MGST1: variants seen among roughly 807,000 people sequenced by gnomAD.
The protein encoded by MGST1 is glutathione S-transferase 12.
A neutral mutation model predicts 8.9 loss-of-function variants in MGST1; 5 were observed. The ratio of observed to expected loss-of-function variants is 0.56; its 90% CI spans 0.29 to 1.19. MGST1 has a LOEUF of 1.19. Ranked by LOEUF, MGST1 falls within the 50% of genes most tolerant of loss-of-function variation. MGST1 has a pLI of 0.08. For synonymous variants in MGST1, 54 were observed against 67.8 expected (o/e 0.80, Z 1.00); for missense variants, 182 against 187.4 (o/e 0.97, Z 0.17).
At chr12:16,459,144 A>C (rs1353511854) in intron 4 of MGST1, among the ~76,000 whole-genome samples, 2 of 152,084 alleles carry the variant, frequency 1.3e-5, no homozygotes, top group Non-Finnish European at 2.9e-5. Flanking sequence ...ATTTTTCTAA[A>C]TTTAATCAGT....
At position 16,559,391 on chromosome 12, in the gene MGST1, G is replaced by A. The variant is rs1042700575; in HGVS notation, n.483-30137G>A. Among the ~76,000 whole-genome samples the A allele has an allele frequency of 7.9e-5, 12 of 152,152 alleles. No individual in the cohort carries two copies. Among genetic ancestry groups the A allele is most frequent in the African/African-American group, 2.7e-4 (11 of 41,430 alleles). ...CTTTTCAGCTGAAAGAATTCTCTGA[G>A]ATGAACTAATCCAGCTTCATATGTT... On this transcript the variant is annotated intron_variant and non_coding_transcript_variant, in intron 4 of 4. Transcript: ENST00000538857. The surrounding 1 kb of genome is among the most constrained non-coding windows in gnomAD (Gnocchi z 4.1).
At position 16,560,275 on chromosome 12, in the gene MGST1, A is replaced by G. The variant is rs1483154012; in HGVS notation, n.483-29253A>G. On this transcript the variant is annotated intron_variant and non_coding_transcript_variant, in intron 4 of 4. Coordinates refer to the MGST1 transcript ENST00000538857. The surrounding 1 kb of genome is among the most constrained non-coding windows in gnomAD (Gnocchi z 5.0). ...TTCTCCTTAGTAGCTTGTCTCTGGC[A>G]TGGGATTAAAGTTTACAGAACAGAA... is the stretch of plus-strand genomic sequence containing the variant. 6 of 870,126 alleles carry G rather than the reference A, an allele frequency of 6.9e-6. No individual in the cohort carries two copies. The highest frequency in any genetic ancestry group is 1.0e-5 in the Non-Finnish European group (6 of 597,868). The allele number at this position is 870,126 out of a possible 1,614,324, so 53.9% of individuals were successfully genotyped here.
chr12:16,412,915 T>C (rs1350577157), intron 1 of MGST1, among the ~76,000 whole-genome samples: 4 of 152,144 alleles, frequency 2.6e-5, no homozygotes, highest in Non-Finnish European at 2.9e-5. Context: ...ATATTTTTGT[T>C]TGGAAAAGTC....
intron 4 of MGST1, chr12:16,549,893 C>A (rs185204890): frequency 6.6e-6 from 1 of 151,876 alleles, no homozygotes; most frequent in Non-Finnish European, 1.5e-5. Flanking sequence ...TACTATTTCA[C>A]CTTAAAAAAT....
intron 4 of MGST1, among the ~76,000 whole-genome samples, chr12:16,452,714 A>G (rs4763445): frequency 0.96 from 146,185 of 151,914 alleles, 70,523 homozygotes; most frequent in Middle Eastern, 1. Context: ...TTTAATTATT[A>G]TGGTAAACTT....
chr12:16,379,982 T>A (rs1440926496), downstream of MGST1, among the ~76,000 whole-genome samples: 2 of 152,224 alleles, frequency 1.3e-5, no homozygotes, highest in African/African-American at 4.8e-5. Flanking sequence ...TTCTGTGGGA[T>A]CGGTGGTGAT....
At chr12:16,381,302 G>C (rs112725689), downstream of MGST1, among the ~76,000 whole-genome samples, 1 of 152,142 alleles carries the variant, frequency 6.6e-6, no homozygotes, top group Non-Finnish European at 1.5e-5. Flanking sequence ...CATATTTAGT[G>C]CTTCCTTCAG....
At chr12:16,468,993 C>G (rs577563955) in intron 4 of MGST1, among the ~76,000 whole-genome samples, 1 of 152,238 alleles carries the variant, frequency 6.6e-6, no homozygotes, top group African/African-American at 2.4e-5. Flanking sequence ...GGTAGACAGA[C>G]AAGGTAGAAG....
At chr12:16,543,846 T>C (rs561574733) in intron 4 of MGST1, among the ~76,000 whole-genome samples, 1 of 152,166 alleles carries the variant, frequency 6.6e-6, no homozygotes, top group African/African-American at 2.4e-5. Flanking sequence ...TAAACAGTAA[T>C]CAAGCTAACC....
At chr12:16,566,612 A>G (rs1942620718) in intron 4 of MGST1, among the ~76,000 whole-genome samples, 1 of 152,150 alleles carries the variant, frequency 6.6e-6, no homozygotes, top group Admixed American at 6.5e-5. Flanking sequence ...GACATTTTCT[A>G]TTTTAAAACC....
chr12:16,405,623 C>G (rs1940692652), intron 1 of MGST1, among the ~76,000 whole-genome samples: 1 of 152,014 alleles, frequency 6.6e-6, no homozygotes, highest in Non-Finnish European at 1.5e-5. Flanking sequence ...AAGTAAACCT[C>G]ACGCCAATAT....
In MGST1 at chr12:16,400,550, C is replaced by A. The variant is rs541439783; in HGVS notation, n.778+16946C>A. 164 of 886,660 alleles carry A rather than the reference C, an allele frequency of 1.8e-4. No individual in the cohort carries two copies. In the African/African-American group the frequency reaches 2.4e-3, roughly 13 times the overall value. The allele number at this position is 886,660 out of a possible 1,614,324, so 54.9% of individuals were successfully genotyped here. On this transcript the variant is annotated intron_variant and non_coding_transcript_variant, in intron 1 of 1. Coordinates refer to the MGST1 transcript ENST00000359720. ...CAAGTTTTATAACGTTTCTGTACTT[C>A]TTTAATAATTCGGAAAGCATTCTGA...
chr12:16,414,236 C>T (rs1248004726), intron 1 of MGST1, among the ~76,000 whole-genome samples: 1 of 151,460 alleles, frequency 6.6e-6, no homozygotes, highest in East Asian at 1.9e-4. Flanking sequence ...TTATGATTTT[C>T]TAGCCTAAAA....
At position 16,347,718 on chromosome 12, in the gene MGST1, C is replaced by G. The variant is rs1565430147; in HGVS notation, c.-23+8C>G. On this transcript the variant is annotated splice_region_variant and intron_variant, in intron 1 of 3. Transcript: ENST00000396210. This position sits in a 1 kb window ranked among gnomAD's most constrained non-coding sequence, Gnocchi z 4.0. ...CTCCTCCTCGGCCTCACCGTGCGTACTGGGAGGGGAGAAGGGGACCGCATG... is the reference window on the plus strand; with the variant it reads ...CTCCTCCTCGGCCTCACCGTGCGTAGTGGGAGGGGAGAAGGGGACCGCATG... 1 of 152,408 alleles carries G rather than the reference C, an allele frequency of 6.6e-6. No homozygotes were observed. The allele number at this position is 152,408 out of a possible 1,614,324, so 9.4% of individuals were successfully genotyped here.
chr12:16,478,537 TATA>T (rs1251008416), intron 4 of MGST1, among the ~76,000 whole-genome samples: 6 of 152,136 alleles, frequency 3.9e-5, no homozygotes, highest in African/African-American at 7.2e-5. Context: ...TTGATGTTAC[TATA>T]ATATTTTTTA....
Position 16,402,190 on chromosome 12 carries a change from T to C in MGST1, n.778+18586T>C, listed in dbSNP as rs1940661715. 2.5e-6 allele frequency: 4 copies of C among 1,579,946 alleles called. No homozygotes were observed. In the Admixed American group the frequency reaches 6.7e-5, roughly 26 times the overall value. On this transcript the variant is annotated intron_variant and non_coding_transcript_variant, in intron 1 of 1. Transcript: ENST00000359720. ...TTCAAAAACTCCACTTTTTTTTTGC[T>C]GGCCATAAAGATGATTTTGTCATCA...
At chr12:16,402,212 A>G in intron 1 of MGST1, 2 of 1,586,040 alleles carry the variant, frequency 1.3e-6, no homozygotes, top group South Asian at 1.1e-5. Context: ...TGATTTTGTC[A>G]TCACAAAAGA....
intron 1 of MGST1, among the ~76,000 whole-genome samples, chr12:16,349,993 C>T (rs1434452578): frequency 2.0e-5 from 3 of 152,156 alleles, no homozygotes; most frequent in Non-Finnish European, 4.4e-5. Flanking sequence ...ATCTGCCCGC[C>T]TCCGGCTCCC....
Position 16,547,509 on chromosome 12 carries a change from G to A in MGST1, n.483-42019G>A, listed in dbSNP as rs970237552. Among the ~76,000 whole-genome samples, 1 of 152,124 alleles carries A rather than the reference G, an allele frequency of 6.6e-6. No individual in the cohort carries two copies. Among genetic ancestry groups the A allele is most frequent in the Non-Finnish European group, 1.5e-5 (1 of 68,016 alleles). On this transcript the variant is annotated intron_variant and non_coding_transcript_variant, in intron 4 of 4. Coordinates refer to the MGST1 transcript ENST00000538857. The surrounding 1 kb of genome is among the most constrained non-coding windows in gnomAD (Gnocchi z 4.6). Reference sequence around the variant, plus strand: ...GCTTTTGTGTGCTCATTATTAGCAGGTTGGAGATGAGCACAAACCAGTGCA... The same window carrying A: ...GCTTTTGTGTGCTCATTATTAGCAGATTGGAGATGAGCACAAACCAGTGCA...
Sources: gnomAD v4.1 joint callset for allele counts (sites outside exome capture counted in the v4.1 genomes callset) on GRCh38, gnomAD v4.1.1 for gene constraint, Gnocchi (gnomAD v3.1) non-coding constraint, MANE v1.5 for transcripts, NCBI Gene and HGNC (gene_info 2026-07-23, HGNC 2026-07-21) for gene names.